Variants in ADAM23 observed in about 807,000 individuals in gnomAD.
ADAM23 encodes ADAM metallopeptidase domain 23, also known as disintegrin and metalloproteinase domain-containing protein 23.
ADAM23 carries 33 observed loss-of-function variants against 120.1 expected under a neutral mutation model. That is an observed-to-expected ratio of 0.27 (90% CI 0.21 to 0.37). The LOEUF (loss-of-function observed/expected upper bound fraction) is 0.37. ADAM23 is among the 10% of genes least tolerant of loss of function. ADAM23 has a pLI of 1.00. For missense variants in ADAM23, 862 were observed against 1,058.2 expected (o/e 0.81, Z 2.57); for synonymous variants, 367 against 375.2 (o/e 0.98, Z 0.25).
chr2:206,459,909 C>A (rs2105858269), intron 2 of ADAM23, among the ~76,000 whole-genome samples: 1 of 152,336 alleles, frequency 6.6e-6, no homozygotes, highest in East Asian at 1.9e-4. Context: ...TCTTTGCTGC[C>A]AACCTGGTCT....
At chr2:206,579,563 T>C (rs1187821161) in intron 18 of ADAM23, among the ~76,000 whole-genome samples, 1 of 152,204 alleles carries the variant, frequency 6.6e-6, no homozygotes, top group South Asian at 2.1e-4. Context: ...GGTTTATTTC[T>C]GGGTTCTATA....
chr2:206,590,091 TCTTTCTCC>T (rs1476272701), intron 21 of ADAM23, among the ~76,000 whole-genome samples: 6 of 152,060 alleles, frequency 3.9e-5, no homozygotes, highest in Admixed American at 6.6e-5. Context: ...CATTGATATT[TCTTTCTCC>T]CTTTCTTTTT....
At chr2:206,555,822 C>A (rs534063885) in intron 9 of ADAM23, among the ~76,000 whole-genome samples, 1 of 152,302 alleles carries the variant, frequency 6.6e-6, no homozygotes, top group Admixed American at 6.5e-5. Context: ...TTTTCTCTTT[C>A]AATCCACAAT....
In ADAM23 at chr2:206,446,941, A is replaced by G. The variant is rs564046573; in HGVS notation, c.432+1417A>G. ...CATTGAGGCTTTTATAGCTTTCCTT[A>G]TGAATGAGACCTTTTAGAGTTAAGT... On this transcript the variant is annotated intron_variant, in intron 2 of 25. Coordinates refer to ENST00000264377, the MANE Select transcript of ADAM23 (RefSeq NM_003812.4). Among the ~76,000 whole-genome samples, 13 of 152,332 alleles carry G rather than the reference A, an allele frequency of 8.5e-5. No homozygotes were observed. In the South Asian group the frequency reaches 2.7e-3, roughly 32 times the overall value.
intron 24 of ADAM23, among the ~76,000 whole-genome samples, chr2:206,603,994 G>T (rs954529868): frequency 6.6e-6 from 1 of 151,180 alleles, no homozygotes; most frequent in Non-Finnish European, 1.5e-5. Context: ...GACCAGGCAC[G>T]GTGGCCTCAT....
intron 3 of ADAM23, among the ~76,000 whole-genome samples, chr2:206,529,074 T>C (rs371933405): frequency 6.6e-4 from 100 of 152,250 alleles, no homozygotes; most frequent in African/African-American, 2.2e-3. Flanking sequence ...TAGGGAGAAA[T>C]ATGTTTTAAG....
intron 3 of ADAM23, among the ~76,000 whole-genome samples, chr2:206,483,736 C>T (rs1189584070): frequency 2.0e-5 from 3 of 151,948 alleles, no homozygotes; most frequent in African/African-American, 7.3e-5. Flanking sequence ...CAAAATTTGC[C>T]CTTTGGATTT....
At chr2:206,563,602 T>A (rs1697814793) in intron 13 of ADAM23, among the ~76,000 whole-genome samples, 1 of 152,150 alleles carries the variant, frequency 6.6e-6, no homozygotes, top group South Asian at 2.1e-4. Flanking sequence ...TGTTTAGAAA[T>A]CTTGAATCTG....
intron 2 of ADAM23, among the ~76,000 whole-genome samples, chr2:206,465,078 C>T (rs1252873381): frequency 6.6e-6 from 1 of 152,000 alleles, no homozygotes; most frequent in East Asian, 1.9e-4. Context: ...TGGGTTTTTG[C>T]TCTTTTACTC....
intron 3 of ADAM23, among the ~76,000 whole-genome samples, chr2:206,505,983 C>G (rs572655990): frequency 6.6e-6 from 1 of 152,260 alleles, no homozygotes; most frequent in South Asian, 2.1e-4. Context: ...GTGGGTGACA[C>G]AGATTTACAT....
chr2:206,489,688 T>G (rs1389532257), intron 3 of ADAM23, among the ~76,000 whole-genome samples: 1 of 152,170 alleles, frequency 6.6e-6, no homozygotes, highest in African/African-American at 2.4e-5. Context: ...CTGAGTAACA[T>G]GCGGGCTGGC....
At chr2:206,477,880 TAAAAAAAAAA>T (rs71034456) in intron 2 of ADAM23, among the ~76,000 whole-genome samples, 3 of 109,168 alleles carry the variant, frequency 2.7e-5, no homozygotes, top group South Asian at 2.9e-4. Flanking sequence ...AATATTCTGT[TAAAAAAAAAA>T]AAAAAAAATA....
Position 206,547,608 on chromosome 2 carries a change from CA to C in ADAM23, c.793+108del, listed in dbSNP as rs1268868309. ...GTTGGAAGTGGAATTGGTCTGATATCAGGGGTGAACATCGTGGATCAGCACT... is the reference window on the plus strand; with the variant it reads ...GTTGGAAGTGGAATTGGTCTGATATCGGGGTGAACATCGTGGATCAGCACT... On this transcript the variant is annotated intron_variant, in intron 7 of 25. Coordinates refer to ENST00000264377, the MANE Select transcript of ADAM23 (RefSeq NM_003812.4). 6 of 878,780 alleles carry C rather than the reference CA, an allele frequency of 6.8e-6. No homozygotes were observed. The East Asian group carries it at 8.1e-5, about 12-fold the overall frequency. The allele number at this position is 878,780 out of a possible 1,614,324, so 54.4% of individuals were successfully genotyped here.
At chr2:206,520,773 C>T (rs1021528182) in intron 3 of ADAM23, among the ~76,000 whole-genome samples, 1 of 152,006 alleles carries the variant, frequency 6.6e-6, no homozygotes, top group Non-Finnish European at 1.5e-5. Flanking sequence ...TTGCTTTCAG[C>T]CTTTATAAAT....
At chr2:206,570,959 G>A in intron 16 of ADAM23, 148 bp downstream of exon 16, 1 of 644,344 alleles carries the variant, frequency 1.6e-6, no homozygotes, top group Non-Finnish European at 2.7e-6. Flanking sequence ...ACTCAGACCT[G>A]TTGGAATCAG....
chr2:206,487,578 T>C, intron 3 of ADAM23, among the ~76,000 whole-genome samples: 1 of 152,210 alleles, frequency 6.6e-6, no homozygotes, highest in African/African-American at 2.4e-5. Flanking sequence ...TGCAGGCTAT[T>C]GCGTATATGT....
chr2:206,591,479 ATTAT>A (rs1698425001), intron 21 of ADAM23, among the ~76,000 whole-genome samples: 1 of 152,092 alleles, frequency 6.6e-6, no homozygotes, highest in African/African-American at 2.4e-5. Flanking sequence ...GTTCATTTTT[ATTAT>A]TTATTTGTTT....
chr2:206,455,557 A>G (rs897786641), intron 2 of ADAM23, among the ~76,000 whole-genome samples: 2 of 152,084 alleles, frequency 1.3e-5, no homozygotes, highest in Non-Finnish European at 2.9e-5. Flanking sequence ...CAGGCTGCAA[A>G]TTTTCCAAAC....
At chr2:206,583,935 G>A (rs1057057547) in intron 18 of ADAM23, among the ~76,000 whole-genome samples, 7 of 152,086 alleles carry the variant, frequency 4.6e-5, no homozygotes, top group African/African-American at 1.2e-4. Flanking sequence ...GAAGAGCCTT[G>A]TTTTGTCATA....
Sources: allele counts gnomAD v4.1 joint callset (sites outside exome capture counted in the v4.1 genomes callset), GRCh38; gene constraint gnomAD v4.1.1; transcripts MANE v1.5; gene names NCBI Gene and HGNC (gene_info 2026-07-23, HGNC 2026-07-21).